The following CHKA variants were observed in gnomAD, a reference collection of about 807,000 sequenced individuals.
The protein encoded by CHKA is choline kinase alpha.
CHKA carries 34 observed loss-of-function variants against 60.1 expected under a neutral mutation model. The ratio of observed to expected loss-of-function variants is 0.57; its 90% CI spans 0.43 to 0.75. The LOEUF is 0.75. CHKA is among the 30% of genes least tolerant of loss of function. The pLI, the probability that CHKA is intolerant of heterozygous loss-of-function variation, is 0.00. For synonymous variants in CHKA, 217 were observed against 223.1 expected (o/e 0.97, Z 0.24); for missense variants, 563 against 561.3 (o/e 1.00, Z -0.03).
At chr11:68,084,716 T>C (rs1857125316) in intron 2 of CHKA, among the ~76,000 whole-genome samples, 1 of 151,992 alleles carries the variant, frequency 6.6e-6, no homozygotes, top group Admixed American at 6.6e-5. Flanking sequence ...AATCATCTTA[T>C]ATAGATACAG....
chr11:68,076,940 G>T (rs911809899), intron 3 of CHKA, among the ~76,000 whole-genome samples: 1 of 152,136 alleles, frequency 6.6e-6, no homozygotes, highest in Non-Finnish European at 1.5e-5. Context: ...GAAGGATTTG[G>T]AGAGGAAGAA....
At chr11:68,085,946 T>C (rs921699425) in intron 2 of CHKA, among the ~76,000 whole-genome samples, 1 of 152,130 alleles carries the variant, frequency 6.6e-6, no homozygotes, top group Non-Finnish European at 1.5e-5. Flanking sequence ...CTTTGTATTT[T>C]AAATGAGACT....
intron 4 of CHKA, among the ~76,000 whole-genome samples, chr11:68,071,070 G>T (rs1273789483): frequency 1.3e-5 from 2 of 152,144 alleles, no homozygotes; most frequent in Non-Finnish European, 2.9e-5. Flanking sequence ...CACCTCCAAA[G>T]ATCTATTTCA....
intron 2 of CHKA, among the ~76,000 whole-genome samples, chr11:68,089,395 A>G (rs1416636322): frequency 6.6e-6 from 1 of 152,246 alleles, no homozygotes; most frequent in Non-Finnish European, 1.5e-5. Context: ...AAGACATATG[A>G]AAGTATACTG....
chr11:68,061,909 G>C (rs200360093), intron 11 of CHKA, 44 bp downstream of exon 11: 1 of 1,295,212 alleles, frequency 7.7e-7, no homozygotes, highest in African/African-American at 1.5e-5. Context: ...TTTTTACCTG[G>C]GAGTAGGAAG....
rs910492506 is a variant in CHKA, at chr11:68,106,344, A to G, written c.351-9214T>C. Among the ~76,000 whole-genome samples the G allele has an allele frequency of 3.3e-5, 5 of 152,154 alleles. No individual in the cohort carries two copies. In the East Asian group the frequency reaches 5.8e-4, roughly 18 times the overall value. On this transcript the variant is annotated intron_variant, in intron 1 of 11. Transcript: ENST00000265689. ...GGTGAAAGGATTGCTTCAGCCCAAG[A>G]GCTGGAGACCAGCCTAGGCAACATA...
chr11:68,099,580 G>A (rs1857630373), intron 1 of CHKA, among the ~76,000 whole-genome samples: 1 of 152,216 alleles, frequency 6.6e-6, no homozygotes, highest in Admixed American at 6.5e-5. Flanking sequence ...AAGCTGTGAA[G>A]CAGGCCGACA....
chr11:68,092,256 A>T (rs1037020165), intron 2 of CHKA, among the ~76,000 whole-genome samples: 2 of 152,180 alleles, frequency 1.3e-5, no homozygotes, highest in Non-Finnish European at 2.9e-5. Context: ...ACATCTCTCA[A>T]TTAATGCAAA....
chr11:68,070,518 T>C (rs1012149033), intron 5 of CHKA, among the ~76,000 whole-genome samples: 3 of 152,172 alleles, frequency 2.0e-5, no homozygotes, highest in African/African-American at 7.2e-5. Context: ...AATAGCATTT[T>C]TGCATAAGCC....
chr11:68,061,413 C>T (rs1390705971), intron 11 of CHKA: 2 of 215,778 alleles, frequency 9.3e-6, no homozygotes, highest in Non-Finnish European at 1.9e-5. Flanking sequence ...GCTGACAATT[C>T]TTAAGGTTAA....
At chr11:68,070,064 G>A (rs1856565228) in intron 6 of CHKA, 125 bp downstream of exon 6, 2 of 745,028 alleles carry the variant, frequency 2.7e-6, no homozygotes, top group South Asian at 1.5e-5. Context: ...CAAAACTTAT[G>A]GTTTAAATTC....
At chr11:68,108,042 G>A (rs1857981195) in intron 1 of CHKA, among the ~76,000 whole-genome samples, 2 of 152,214 alleles carry the variant, frequency 1.3e-5, no homozygotes, top group Non-Finnish European at 2.9e-5. Flanking sequence ...CTGGAAGGAC[G>A]CTAGACAGGC....
intron 11 of CHKA, among the ~76,000 whole-genome samples, chr11:68,056,560 A>C (rs1856023011): frequency 6.6e-6 from 1 of 152,178 alleles, no homozygotes; most frequent in South Asian, 2.1e-4. Flanking sequence ...AATGCCCAAG[A>C]GGACAGGGTT....
At position 68,084,329 on chromosome 11, in the gene CHKA, C is replaced by CAT. The variant is rs1463671770; in HGVS notation, c.463-2874_463-2873dup. 2.1e-4 allele frequency among the ~76,000 whole-genome samples: 29 copies of CAT among 136,942 alleles called. No individual in the cohort carries two copies. In the South Asian group the frequency reaches 4.9e-3, roughly 23 times the overall value. 89.8% of individuals were successfully genotyped at this position (136,942 alleles called of 152,430 possible). On this transcript the variant is annotated intron_variant, in intron 2 of 11. Coordinates refer to ENST00000265689, the MANE Select transcript of CHKA (RefSeq NM_001277.3). Reference sequence around the variant, plus strand: ...GTATATACATGTGTATATATATACACATATACGTATATATATGTGTATATA... The same window carrying CAT: ...GTATATACATGTGTATATATATACACATATATACGTATATATATGTGTATATA...
At chr11:68,066,377 T>G (rs545177188) in intron 8 of CHKA, 52 bp downstream of exon 8, 1 of 1,386,790 alleles carries the variant, frequency 7.2e-7, no homozygotes, top group East Asian at 2.3e-5. Flanking sequence ...ATTAAGCATA[T>G]CGTAATGATA....
chr11:68,093,853 T>C (rs1224309604), intron 2 of CHKA, among the ~76,000 whole-genome samples: 6 of 152,344 alleles, frequency 3.9e-5, no homozygotes, highest in African/African-American at 4.8e-5. Context: ...TTAAATTAAT[T>C]AAAATTAAAA....
intron 2 of CHKA, among the ~76,000 whole-genome samples, chr11:68,084,764 T>C (rs1213533946): frequency 6.6e-6 from 1 of 152,084 alleles, no homozygotes; most frequent in African/African-American, 2.4e-5. Context: ...ATCTGGAATT[T>C]GCTTCAAAAT....
chr11:68,053,363 AG>A lies in CHKA; in HGVS notation c.*624del, dbSNP rs1438578528. On this transcript the variant is annotated 3_prime_UTR_variant, in exon 12 of 12. Coordinates refer to ENST00000265689, the MANE Select transcript of CHKA (RefSeq NM_001277.3). ...ATCAGTGTCACACACGCCCAGCAGGAGGGGAGAGCTCTGCTCCACACGCTGG... is the reference window on the plus strand; with the variant it reads ...ATCAGTGTCACACACGCCCAGCAGGAGGGAGAGCTCTGCTCCACACGCTGG... 4.6e-5 allele frequency: 7 copies of A among 152,698 alleles called. No individual in the cohort carries two copies. The highest frequency in any genetic ancestry group is 1.7e-4 in the African/African-American group (7 of 41,456). The allele number at this position is 152,698 out of a possible 1,614,324, so 9.5% of individuals were successfully genotyped here.
At position 68,121,374 on chromosome 11, in the gene CHKA, T is replaced by C. The variant is rs1419455903; in HGVS notation, c.-197A>G. 4.6e-5 allele frequency: 9 copies of C among 197,196 alleles called. No homozygotes were observed. The highest frequency in any genetic ancestry group is 8.4e-5 in the Non-Finnish European group (9 of 106,772). The allele number at this position is 197,196 out of a possible 1,614,324, so 12.2% of individuals were successfully genotyped here. A position where few individuals can be genotyped will look rare whatever the true frequency, so the allele number is the denominator to read the frequency against. ...GGAGCGGGGATGTGCTGCTGGCCGC[T>C]GCACTCGCTCCTCTGCCGCCGCCGC... On this transcript the variant is annotated 5_prime_UTR_variant, in exon 1 of 12. Coordinates refer to ENST00000265689, the MANE Select transcript of CHKA (RefSeq NM_001277.3).
Sources: allele counts gnomAD v4.1 joint callset (sites outside exome capture counted in the v4.1 genomes callset), GRCh38; gene constraint gnomAD v4.1.1; transcripts MANE v1.5; gene names NCBI Gene and HGNC (gene_info 2026-07-23, HGNC 2026-07-21).